PLEK2: variants seen among roughly 807,000 people sequenced by gnomAD.
PLEK2 encodes the protein pleckstrin 2.
In PLEK2, 29 loss-of-function variants were observed where a neutral mutation model predicts 43.8. The ratio of observed to expected loss-of-function variants is 0.66; its 90% CI spans 0.49 to 0.90. The LOEUF (loss-of-function observed/expected upper bound fraction) is 0.90, where lower values mean the gene tolerates loss of function less well. PLEK2 is among the 40% of genes least tolerant of loss of function. PLEK2 has a pLI of 0.00. For missense variants in PLEK2, 398 were observed against 448.1 expected (o/e 0.89, Z 1.01); for synonymous variants, 162 against 173.2 (o/e 0.94, Z 0.51).
intron 6 of PLEK2, among the ~76,000 whole-genome samples, chr14:67,391,406 A>G (rs917783711): frequency 6.6e-6 from 1 of 151,356 alleles, no homozygotes; most frequent in Admixed American, 6.6e-5. Context: ...ACCCTCCTCA[A>G]GCTCCCCTAG....
chr14:67,398,729 AAAT>A (rs2086028178), intron 1 of PLEK2, among the ~76,000 whole-genome samples: 1 of 151,858 alleles, frequency 6.6e-6, no homozygotes, highest in African/African-American at 2.4e-5. Flanking sequence ...GCTAATTTTT[AAAT>A]TTTTTTGTAA....
At position 67,393,250 on chromosome 14, in the gene PLEK2, A is replaced by AAGGGAAGGCAAAGGAG; in HGVS notation, c.390-25_390-10dup. 6.2e-7 allele frequency: 1 copy of AAGGGAAGGCAAAGGAG among 1,604,474 alleles called. No individual in the cohort carries two copies. Among genetic ancestry groups the AAGGGAAGGCAAAGGAG allele is most frequent in the Non-Finnish European group, 8.5e-7 (1 of 1,171,228 alleles). On this transcript the variant is annotated splice_polypyrimidine_tract_variant and intron_variant, in intron 3 of 8. Transcript: ENST00000216446. ...TCTTGTCCACAATGCGACTACATGG[A>AAGGGAAGGCAAAGGAG]AGGGAAGGCAAAGGAGAGGGAACCC...
At chr14:67,392,565 A>G (rs1165872025) in intron 5 of PLEK2, 97 bp downstream of exon 5, 17 of 1,278,622 alleles carry the variant, frequency 1.3e-5, no homozygotes, top group Non-Finnish European at 1.9e-5. Context: ...CCCAAGCCCA[A>G]GGTCTCCTCC....
chr14:67,400,153 TAA>T (rs1205964078), intron 1 of PLEK2, among the ~76,000 whole-genome samples: 27 of 152,218 alleles, frequency 1.8e-4, no homozygotes, highest in African/African-American at 6.5e-4. Flanking sequence ...TTTGTGCATA[TAA>T]CTGAGCTTTG....
chr14:67,392,923 C>T, intron 4 of PLEK2, 74 bp from the exon 5 acceptor site: 1 of 1,275,168 alleles, frequency 7.8e-7, no homozygotes, highest in Non-Finnish European at 1.1e-6. Flanking sequence ...AATGACCTCA[C>T]TGACCTTGGC....
rs770740538 is a variant in PLEK2 at position 67,393,182 on chromosome 14, T to C, written c.449A>G (p.Glu150Gly). Residue 150 changes from glutamate to glycine, a missense_variant, in exon 4 of 9, where the codon GAG (glutamate) becomes GGG (glycine). Physicochemically the swap from Glu to Gly is moderately conservative, Grantham distance 98. Transcript: ENST00000216446. ...GGTCTTTTTATAGGTGCTTCCCTGC[T>C]CCATGTTGGGGCTTGAACGGATTCC... ...NTGIRSSPNM[E>G]QGSTYKKTFL... 3.8e-5 allele frequency: 61 copies of C among 1,613,942 alleles called. No individual in the cohort carries two copies. The highest frequency in any genetic ancestry group is 5.1e-5 in the Non-Finnish European group (60 of 1,179,792).
chr14:67,401,489 G>A (rs2086048759), intron 1 of PLEK2, among the ~76,000 whole-genome samples: 1 of 152,024 alleles, frequency 6.6e-6, no homozygotes, highest in African/African-American at 2.4e-5. Context: ...TGCAGCCTGG[G>A]CAACAGAGTG....
intron 1 of PLEK2, among the ~76,000 whole-genome samples, chr14:67,399,464 G>A (rs1251871855): frequency 6.7e-6 from 1 of 149,450 alleles, no homozygotes; most frequent in Non-Finnish European, 1.5e-5. Flanking sequence ...CAGGAATAAA[G>A]AGAAGGGTAG....
intron 3 of PLEK2, among the ~76,000 whole-genome samples, chr14:67,393,588 G>C (rs2085985452): frequency 6.6e-6 from 1 of 152,014 alleles, no homozygotes; most frequent in African/African-American, 2.4e-5. Flanking sequence ...GGAGCAGCTG[G>C]GATTACAGAC....
At chr14:67,390,554 G>A (rs1020883657) in intron 7 of PLEK2, 109 bp downstream of exon 7, 12 of 761,804 alleles carry the variant, frequency 1.6e-5, no homozygotes, top group Middle Eastern at 3.5e-4. Flanking sequence ...ACTTTACGGC[G>A]GGTGCCAGGG....
chr14:67,388,116 G>A (rs1489052741), intron 8 of PLEK2, 108 bp downstream of exon 8: 17 of 697,786 alleles, frequency 2.4e-5, no homozygotes, highest in Non-Finnish European at 4.1e-5. Context: ...GTCTCATGGA[G>A]AAAGCCCTGC....
intron 6 of PLEK2, 136 bp downstream of exon 6, chr14:67,392,190 G>A: frequency 4.5e-6 from 3 of 667,868 alleles, no homozygotes; most frequent in East Asian, 5.2e-5. Context: ...GGCTGGTGCT[G>A]GGCTCTTGCT....
intron 2 of PLEK2, 72 bp from the exon 3 acceptor site, chr14:67,395,655 G>C (rs997962242): frequency 4.4e-6 from 6 of 1,368,320 alleles, no homozygotes; most frequent in African/African-American, 1.5e-5. Context: ...AAAAATGACG[G>C]GGCCCCGGGA....
Position 67,397,720 on chromosome 14 carries a change from C to T in PLEK2, c.149G>A (p.Arg50Gln), listed in dbSNP as rs374958171. Residue 50 changes from arginine (R) to glutamine (Q), a missense_variant, in exon 2 of 9, where the codon CGG becomes CAG. Arg to Gln is a conservative substitution (Grantham distance 43). Transcript: ENST00000216446. ...GGRRVTPPKG[R>Q]ILLDGCTITC... ...GATGGTGCAGCCATCCAGGAGGATC[C>T]GGCCCTTGGGAGGGGTCACTCTCCG... 61 of 1,613,448 alleles carry T rather than the reference C, an allele frequency of 3.8e-5. 1 individual carries two copies. The highest frequency in any genetic ancestry group is 2.5e-4 in the African/African-American group (19 of 75,008).
In PLEK2 at chr14:67,387,234, C is replaced by T; in HGVS notation, c.*95G>A. On this transcript the variant is annotated 3_prime_UTR_variant, in exon 9 of 9. Transcript: ENST00000216446. ...ACTCTCCAAAGCAGTACAAAACTTA[C>T]AAAGAAGTCAAAAGTCTTAACACTC... 1 of 1,254,258 alleles carries T rather than the reference C, an allele frequency of 8.0e-7. No homozygotes were observed. Among genetic ancestry groups the T allele is most frequent in the Non-Finnish European group, 1.1e-6 (1 of 907,446 alleles). The allele number at this position is 1,254,258 out of a possible 1,614,324, so 77.7% of individuals were successfully genotyped here. A position where few individuals can be genotyped will look rare whatever the true frequency, so the allele number is the denominator to read the frequency against.
At position 67,389,971 on chromosome 14, in the gene PLEK2, G is replaced by C. The variant is rs565194781; in HGVS notation, c.855+692C>G. Among the ~76,000 whole-genome samples, 13 of 152,142 alleles carry C rather than the reference G, an allele frequency of 8.5e-5. No individual in the cohort carries two copies. In the East Asian group the frequency reaches 2.5e-3, roughly 29 times the overall value. ...CTGGCCCTGGCCTAGCTGGGTCCAG[G>C]CAGGGGTTCCTGACTGAAGCTCAGT... On this transcript the variant is annotated intron_variant, in intron 7 of 8. Transcript: ENST00000216446.
In PLEK2 at chr14:67,392,903, G is replaced by A. The variant is rs145017551; in HGVS notation, c.482-54C>T. On this transcript the variant is annotated intron_variant, in intron 4 of 8. Coordinates refer to ENST00000216446, the MANE Select transcript of PLEK2 (RefSeq NM_016445.3). ...TGGGTGATGGACCAGCGTCCTTGGG[G>A]TGTGTGGCCAATGACCTCACTGACC... 108 of 1,453,234 alleles carry A rather than the reference G, an allele frequency of 7.4e-5. No individual in the cohort carries two copies. In the East Asian group the frequency reaches 2.3e-3, roughly 31 times the overall value. 90.0% of individuals were successfully genotyped at this position (1,453,234 alleles called of 1,614,324 possible).
At chr14:67,392,910 G>A in intron 4 of PLEK2, 61 bp from the exon 5 acceptor site, 2 of 1,386,640 alleles carry the variant, frequency 1.4e-6, no homozygotes, top group East Asian at 4.8e-5. Flanking sequence ...GGGGTGTGTG[G>A]CCAATGACCT....
intron 3 of PLEK2, 52 bp downstream of exon 3, chr14:67,395,350 C>G: frequency 6.4e-7 from 1 of 1,554,788 alleles, no homozygotes; most frequent in Non-Finnish European, 8.8e-7. Context: ...CCCCTGCCCA[C>G]CCAACACAGG....
Sources: allele counts gnomAD v4.1 joint callset (sites outside exome capture counted in the v4.1 genomes callset), GRCh38; gene constraint gnomAD v4.1.1; transcripts MANE v1.5; gene names NCBI Gene and HGNC (gene_info 2026-07-23, HGNC 2026-07-21).